FBXO42: variants seen among roughly 807,000 people sequenced by gnomAD.
FBXO42 encodes the protein F-box only protein 42.
A neutral mutation model predicts 71.7 loss-of-function variants in FBXO42; 12 were observed. The ratio of observed to expected loss-of-function variants is 0.17; its 90% confidence interval spans 0.11 to 0.27. The LOEUF (loss-of-function observed/expected upper bound fraction) is 0.27. Among genes scored for constraint, FBXO42 ranks in the 10% least tolerant of loss-of-function variants. The probability of loss-of-function intolerance (pLI) is 1.00; values close to 1 mark genes in which losing one functional copy is unlikely to be tolerated. For synonymous variants in FBXO42, 325 were observed against 327.5 expected (o/e 0.99, Z 0.08); for missense variants, 707 against 911.9 (o/e 0.78, Z 2.89).
rs763981751 is a variant in FBXO42 at position 16,252,451 on chromosome 1, C to T, written c.922-47G>A. On this transcript the variant is annotated intron_variant, in intron 8 of 9. Transcript: ENST00000375592. The surrounding 1 kb of genome is among the most constrained non-coding windows in gnomAD (Gnocchi z 4.4). ...ACAAGACTCAGGTGTGATATGCGTT[C>T]CAAAACACACACACACAGAGTTGCA... 1 of 1,390,078 alleles carries T rather than the reference C, an allele frequency of 7.2e-7. No homozygotes were observed. Among genetic ancestry groups the T allele is most frequent in the South Asian group, 1.2e-5 (1 of 86,456 alleles). The allele number at this position is 1,390,078 out of a possible 1,614,324, so 86.1% of individuals were successfully genotyped here. A position where few individuals can be genotyped will look rare whatever the true frequency, so the allele number is the denominator to read the frequency against.
chr1:16,318,504 C>T (rs777626136), intron 1 of FBXO42, among the ~76,000 whole-genome samples: 12 of 152,140 alleles, frequency 7.9e-5, no homozygotes, highest in Non-Finnish European at 8.8e-5. Context: ...AAATGTCTTG[C>T]TTCTGCTTAT....
At chr1:16,345,775 G>A (rs913413832) in intron 1 of FBXO42, among the ~76,000 whole-genome samples, 1 of 151,300 alleles carries the variant, frequency 6.6e-6, no homozygotes, top group African/African-American at 2.4e-5. Flanking sequence ...ATGAACCGGG[G>A]AGGCAGAGCT....
chr1:16,338,281 G>A (rs960329852), intron 1 of FBXO42, among the ~76,000 whole-genome samples: 1 of 147,884 alleles, frequency 6.8e-6, no homozygotes, highest in Admixed American at 7.0e-5. Flanking sequence ...AGGGAGGATC[G>A]CTTGAGCACT....
Position 16,252,980 on chromosome 1 carries a change from CTTAAA to C in FBXO42, c.921+111_921+115del, listed in dbSNP as rs2081607304. 1.0e-5 allele frequency: 9 copies of C among 885,616 alleles called. No individual in the cohort carries two copies. Among genetic ancestry groups the C allele is most frequent in the Non-Finnish European group, 1.3e-5 (8 of 595,424 alleles). 54.9% of individuals were successfully genotyped at this position (885,616 alleles called of 1,614,324 possible). Reference sequence around the variant, plus strand: ...CAAAGGCTATACCCAAAAAGCATTCCTTAAATTAAAATGCCATGGAAATAGTCTTG... The same window carrying C: ...CAAAGGCTATACCCAAAAAGCATTCCTTAAAATGCCATGGAAATAGTCTTG... On this transcript the variant is annotated intron_variant, in intron 8 of 9. Coordinates refer to ENST00000375592, the MANE Select transcript of FBXO42 (RefSeq NM_018994.3). This position sits in a 1 kb window ranked among gnomAD's most constrained non-coding sequence, Gnocchi z 4.4.
rs934377034 is a variant in FBXO42 at position 16,256,874 on chromosome 1, C to T, written c.503-115G>A. On this transcript the variant is annotated intron_variant, in intron 4 of 9. Transcript: ENST00000375592. ...AGCAACAAAAGGGGAACTAATACTA[C>T]AAAGTGTAGAGGAAAGGTGGAAAGA... is the stretch of plus-strand genomic sequence containing the variant. The T allele has an allele frequency of 5.6e-6, 6 of 1,077,596 alleles. No homozygotes were observed. In the Admixed American group the frequency reaches 1.4e-4, roughly 26 times the overall value. 66.8% of individuals were successfully genotyped at this position (1,077,596 alleles called of 1,614,324 possible).
intron 4 of FBXO42, among the ~76,000 whole-genome samples, chr1:16,280,188 A>G (rs977346953): frequency 3.9e-5 from 6 of 152,166 alleles, no homozygotes; most frequent in African/African-American, 7.2e-5. Context: ...GAATGGCATT[A>G]TATCTCCACG....
chr1:16,287,875 G>A (rs749157822), intron 4 of FBXO42, among the ~76,000 whole-genome samples: 1 of 152,070 alleles, frequency 6.6e-6, no homozygotes, highest in Non-Finnish European at 1.5e-5. Flanking sequence ...CCTGAGGTCA[G>A]GATTAACCTC....
At chr1:16,320,221 C>T (rs560069386) in intron 1 of FBXO42, among the ~76,000 whole-genome samples, 3 of 151,788 alleles carry the variant, frequency 2.0e-5, no homozygotes, top group South Asian at 2.1e-4. Flanking sequence ...ACTAGCTGGG[C>T]GTGGTGGCAC....
intron 4 of FBXO42, among the ~76,000 whole-genome samples, chr1:16,276,148 G>A (rs542336076): frequency 5.9e-5 from 9 of 152,008 alleles, no homozygotes; most frequent in African/African-American, 1.7e-4. Flanking sequence ...TTGGGAGGCC[G>A]AGGTGGGTGG....
chr1:16,294,826 T>A lies in FBXO42; in HGVS notation c.459A>T (p.Arg153Ser), dbSNP rs1278205271. ...SCNAAFNDLW[R>S]LDLNSKEWIR... ...TCCACTCTTTGCTGTTTAGGTCAAG[T>A]CTCCAGAGGTCATTGAAAGCAGCAT... The change falls in exon 4 of 10, where the codon AGA (arginine) becomes AGT (serine). Residue 153 changes from arginine (R) to serine (S), a missense_variant. Transcript: ENST00000375592. 10 of 1,614,074 alleles carry A rather than the reference T, an allele frequency of 6.2e-6. No individual in the cohort carries two copies. Among genetic ancestry groups the A allele is most frequent in the African/African-American group, 1.3e-5 (1 of 75,026 alleles).
rs185629974 is a variant in FBXO42 at position 16,315,892 on chromosome 1, C to T, written c.-17-457G>A. ...GGTTAAGAAATAACCGTTTTTCGACCAGGCATGGTGGCTCAAACCTGTAAT... is the reference window on the plus strand; with the variant it reads ...GGTTAAGAAATAACCGTTTTTCGACTAGGCATGGTGGCTCAAACCTGTAAT... On this transcript the variant is annotated intron_variant, in intron 1 of 9. Coordinates refer to ENST00000375592, the MANE Select transcript of FBXO42 (RefSeq NM_018994.3). Among the ~76,000 whole-genome samples the T allele has an allele frequency of 4.3e-3, 649 of 152,088 alleles. 6 individuals carry two copies. The highest frequency in any genetic ancestry group is 5.2e-3 in the Non-Finnish European group (351 of 67,976).
intron 2 of FBXO42, among the ~76,000 whole-genome samples, chr1:16,311,860 G>T (rs953574355): frequency 6.6e-6 from 1 of 151,968 alleles, no homozygotes; most frequent in African/African-American, 2.4e-5. Context: ...GTGCATCTTG[G>T]TATTTATTTA....
At chr1:16,313,320 A>AAAAGAAAG (rs1205235258) in intron 2 of FBXO42, among the ~76,000 whole-genome samples, 228 of 110,222 alleles carry the variant, frequency 2.1e-3, no homozygotes, top group African/African-American at 7.5e-3. Flanking sequence ...AAGAGAAAAG[A>AAAAGAAAG]AAACAAAGAA....
intron 1 of FBXO42, among the ~76,000 whole-genome samples, chr1:16,336,721 C>T (rs947232262): frequency 6.6e-6 from 1 of 151,780 alleles, no homozygotes; most frequent in African/African-American, 2.4e-5. Flanking sequence ...CGGTGGCTCA[C>T]GCCTATAATC....
chr1:16,250,766 A>AC lies in FBXO42; in HGVS notation c.2057dup (p.Glu687Ter). ...TGAGTCCTCCAAATATGATGAGTTCACCCCTGCCTTGTACCACGGTATGCA... is the reference window on the plus strand; with the variant it reads ...TGAGTCCTCCAAATATGATGAGTTCACCCCCTGCCTTGTACCACGGTATGCA... On this transcript the variant is annotated frameshift_variant, in exon 10 of 10. Coordinates refer to ENST00000375592, the MANE Select transcript of FBXO42 (RefSeq NM_018994.3). LOFTEE classifies it high-confidence loss of function. The surrounding 1 kb of genome is among the most constrained non-coding windows in gnomAD (Gnocchi z 4.7). 6.2e-7 allele frequency: 1 copy of AC among 1,614,122 alleles called. No homozygotes were observed. Among genetic ancestry groups the AC allele is most frequent in the African/African-American group, 1.3e-5 (1 of 75,012 alleles).
intron 4 of FBXO42, among the ~76,000 whole-genome samples, chr1:16,279,158 CAT>C (rs2081935053): frequency 6.6e-6 from 1 of 152,198 alleles, no homozygotes; most frequent in Non-Finnish European, 1.5e-5. Context: ...TTCCTACTGA[CAT>C]GTGATATGAC....
rs1268949813 is a variant in FBXO42 at position 16,251,595 on chromosome 1, G to A, written c.1229C>T (p.Thr410Ile). 6.2e-7 allele frequency: 1 copy of A among 1,614,178 alleles called. No homozygotes were observed. ...CTGCCTTTGAGCCCTGGGTCTCAGTGTTCCCCAGCGGCCGTTAACACAAGG... is the reference window on the plus strand; with the variant it reads ...CTGCCTTTGAGCCCTGGGTCTCAGTATTCCCCAGCGGCCGTTAACACAAGG... ...EAPCVNGRWG[T>I]LRPRAQRQTP... The change falls in exon 10 of 10, where the codon ACA (threonine) becomes ATA (isoleucine). Residue 410 changes from threonine (T) to isoleucine (I), a missense_variant. Coordinates refer to ENST00000375592, the MANE Select transcript of FBXO42 (RefSeq NM_018994.3). The surrounding 1 kb of genome is among the most constrained non-coding windows in gnomAD (Gnocchi z 4.5).
At chr1:16,307,915 T>C (rs1310980924) in intron 2 of FBXO42, among the ~76,000 whole-genome samples, 2 of 152,128 alleles carry the variant, frequency 1.3e-5, no homozygotes, top group African/African-American at 4.8e-5. Flanking sequence ...GCAAATTATT[T>C]TGTGAATATC....
At chr1:16,299,758 C>A (rs369539629) in intron 3 of FBXO42, among the ~76,000 whole-genome samples, 174 of 152,212 alleles carry the variant, frequency 1.1e-3, no homozygotes, top group African/African-American at 4.1e-3. Context: ...GATTTTCCTG[C>A]CTCAGCCTCC....
Sources: allele counts gnomAD v4.1 joint callset (sites outside exome capture counted in the v4.1 genomes callset), GRCh38; gene constraint gnomAD v4.1.1; non-coding constraint Gnocchi (gnomAD v3.1); transcripts MANE v1.5; gene names NCBI Gene and HGNC (gene_info 2026-07-23, HGNC 2026-07-21).